Variants in LDLRAD4 observed in about 807,000 individuals in gnomAD.
LDLRAD4 encodes the protein low-density lipoprotein receptor class A domain-containing protein 4.
A neutral mutation model predicts 17.0 loss-of-function variants in LDLRAD4; 5 were observed. The observed-to-expected ratio is 0.29, with a 90% CI of 0.15 to 0.62. LDLRAD4 has a LOEUF of 0.62. LDLRAD4 is among the 20% of genes least tolerant of loss of function. The pLI is 0.84. For missense variants in LDLRAD4, 340 were observed against 424.7 expected, an observed-to-expected ratio of 0.80 and a Z score of 1.75; for synonymous variants, 168 against 171.8, an observed-to-expected ratio of 0.98 and a Z score of 0.17.
chr18:13,607,841 A>G (rs1484742561), intron 3 of LDLRAD4, among the ~76,000 whole-genome samples: 1 of 152,200 alleles, frequency 6.6e-6, no homozygotes, highest in Non-Finnish European at 1.5e-5. Flanking sequence ...TACCTGGTCT[A>G]TCACTGATGG....
chr18:13,321,861 C>CAAAAAAAAAAAAAGAAAAAAAAA (rs2081242564), intron 1 of LDLRAD4, among the ~76,000 whole-genome samples: 1 of 62,140 alleles, frequency 1.6e-5, no homozygotes, highest in African/African-American at 6.4e-5. Flanking sequence ...GACTCCGTCT[C>CAAAAAAAAAAAAAGAAAAAAAAA]AAAAAAAAAA....
At chr18:13,263,444 A>T (rs931358895) in intron 1 of LDLRAD4, among the ~76,000 whole-genome samples, 2 of 152,162 alleles carry the variant, frequency 1.3e-5, no homozygotes, top group African/African-American at 2.4e-5. Context: ...CAGCCTGGTG[A>T]GGACAGTGAG....
chr18:13,239,622 CTTCAGTAGGCT>C (rs2042525509), intron 1 of LDLRAD4: 1 of 152,318 alleles, frequency 6.6e-6, no homozygotes, highest in Non-Finnish European at 1.5e-5. Context: ...CTGGAGAGAC[CTTCAGTAGGCT>C]CAGAACAGCT....
intron 2 of LDLRAD4, among the ~76,000 whole-genome samples, chr18:13,430,828 G>A (rs1419802020): frequency 3.9e-5 from 6 of 152,058 alleles, no homozygotes; most frequent in African/African-American, 1.2e-4. Flanking sequence ...CAGCCCCCTC[G>A]CTGACGTCAC....
intron 1 of LDLRAD4, among the ~76,000 whole-genome samples, chr18:13,226,003 G>T (rs1467865424): frequency 6.6e-6 from 1 of 151,404 alleles, no homozygotes; most frequent in East Asian, 1.9e-4. Flanking sequence ...TTTTTTTTTA[G>T]AAATTTATTA....
chr18:13,519,337 C>T (rs945135756), intron 3 of LDLRAD4, among the ~76,000 whole-genome samples: 4 of 152,190 alleles, frequency 2.6e-5, no homozygotes, highest in Non-Finnish European at 5.9e-5. Flanking sequence ...CGTGGCTCTC[C>T]CTGGTGTTCC....
intron 4 of LDLRAD4, among the ~76,000 whole-genome samples, chr18:13,626,072 G>A (rs536273229): frequency 4.5e-4 from 68 of 151,862 alleles, no homozygotes; most frequent in Non-Finnish European, 7.9e-4. Flanking sequence ...GTGATTTCTG[G>A]ATGAAAATGA....
intron 1 of LDLRAD4, among the ~76,000 whole-genome samples, chr18:13,307,107 A>C (rs932371806): frequency 2.0e-5 from 3 of 152,230 alleles, no homozygotes; most frequent in African/African-American, 4.8e-5. Flanking sequence ...GAAACTAAAC[A>C]AACAGGGGAA....
intron 4 of LDLRAD4, among the ~76,000 whole-genome samples, chr18:13,633,393 G>T (rs1258184014): frequency 6.6e-6 from 1 of 152,236 alleles, no homozygotes; most frequent in Non-Finnish European, 1.5e-5. Flanking sequence ...GCAGGGACCT[G>T]CCCCTTTTTG....
chr18:13,360,289 C>T (rs1043694638), intron 1 of LDLRAD4, among the ~76,000 whole-genome samples: 1 of 152,170 alleles, frequency 6.6e-6, no homozygotes, highest in African/African-American at 2.4e-5. Flanking sequence ...AATAAAATAT[C>T]CTGTAGAGAT....
chr18:13,619,778 C>T (rs1312042703), intron 3 of LDLRAD4, among the ~76,000 whole-genome samples: 1 of 152,106 alleles, frequency 6.6e-6, no homozygotes, highest in African/African-American at 2.4e-5. Context: ...TGTCCGTGTC[C>T]ACAGGGAACA....
At chr18:13,240,209 A>G (rs1293299829) in intron 1 of LDLRAD4, 1 of 152,248 alleles carries the variant, frequency 6.6e-6, no homozygotes, top group Non-Finnish European at 1.5e-5. Flanking sequence ...AAAGAGTCAC[A>G]CATTCACCTT....
chr18:13,502,740 C>T (rs760689397), intron 3 of LDLRAD4, among the ~76,000 whole-genome samples: 67 of 152,220 alleles, frequency 4.4e-4, no homozygotes, highest in Non-Finnish European at 6.5e-4. Context: ...CACCCATGGA[C>T]GTGATCTGTC....
intron 3 of LDLRAD4, among the ~76,000 whole-genome samples, chr18:13,550,235 A>G (rs2094417828): frequency 6.6e-6 from 1 of 152,226 alleles, no homozygotes; most frequent in Non-Finnish European, 1.5e-5. Context: ...AATAAGGGGC[A>G]GCTTCATGAG....
At chr18:13,551,637 G>C (rs1449241640) in intron 3 of LDLRAD4, among the ~76,000 whole-genome samples, 1 of 152,150 alleles carries the variant, frequency 6.6e-6, no homozygotes, top group East Asian at 1.9e-4. Flanking sequence ...GGGTAGGAGG[G>C]CGGCCAACAG....
intron 3 of LDLRAD4, among the ~76,000 whole-genome samples, chr18:13,548,117 TGGGTGG>T (rs2094390540): frequency 6.6e-6 from 1 of 151,688 alleles, no homozygotes; most frequent in South Asian, 2.1e-4. Flanking sequence ...AGACCCAGAG[TGGGTGG>T]CTCCTCTCTG....
chr18:13,422,245 G>A (rs1454721830), intron 2 of LDLRAD4, among the ~76,000 whole-genome samples: 4 of 152,136 alleles, frequency 2.6e-5, no homozygotes, highest in Non-Finnish European at 4.4e-5. Flanking sequence ...GAGCTGCAGG[G>A]GAGACTAGAC....
chr18:13,537,641 T>C (rs2094218471), intron 3 of LDLRAD4, among the ~76,000 whole-genome samples: 1 of 152,098 alleles, frequency 6.6e-6, no homozygotes, highest in Admixed American at 6.5e-5. Flanking sequence ...AGCCCAGAGG[T>C]TGGGGACCCC....
chr18:13,234,775 A>T (rs2042254534), intron 1 of LDLRAD4, among the ~76,000 whole-genome samples: 1 of 152,196 alleles, frequency 6.6e-6, no homozygotes, highest in African/African-American at 2.4e-5. Context: ...CCTACATTAC[A>T]TTCTTATTTT....
Sources: allele counts gnomAD v4.1 joint callset (sites outside exome capture counted in the v4.1 genomes callset), GRCh38; gene constraint gnomAD v4.1.1; transcripts MANE v1.5; gene names NCBI Gene and HGNC (gene_info 2026-07-23, HGNC 2026-07-21).